The following ZC3H11B variants were observed in gnomAD, a reference collection of about 807,000 sequenced individuals.
ZC3H11B encodes zinc finger CCCH domain-containing protein 11B.
ZC3H11B carries 3 observed loss-of-function variants against 34.0 expected under a neutral mutation model. The observed-to-expected ratio is 0.09, with a 90% CI of 0.04 to 0.23. The LOEUF (loss-of-function observed/expected upper bound fraction) is 0.23, where lower values mean the gene tolerates loss of function less well. ZC3H11B is among the 10% of genes least tolerant of loss of function. ZC3H11B has a pLI of 1.00. For synonymous variants in ZC3H11B, 33 were observed against 250.1 expected (o/e 0.13, Z 8.19); for missense variants, 99 against 660.1 (o/e 0.15, Z 9.31).
Position 219,611,921 on chromosome 1 carries a change from G to GT in ZC3H11B, c.141dup (p.Arg48ThrfsTer11), listed in dbSNP as rs1668006724. 3.6e-6 allele frequency: 3 copies of GT among 832,372 alleles called. No individual in the cohort carries two copies. The highest frequency in any genetic ancestry group is 3.9e-6 in the Non-Finnish European group (2 of 513,252). The allele number at this position is 832,372 out of a possible 1,614,324, so 51.6% of individuals were successfully genotyped here. ...TCCATGTGCCGAAACCTGCACACCC[G>GT]TCGAAAACAGCGCCCTTCTTGCCAT... On this transcript the variant is annotated frameshift_variant, in exon 2 of 2. Coordinates refer to ENST00000651890, the Ensembl canonical transcript of ZC3H11B. LOFTEE classifies it high-confidence loss of function.
At chr1:219,608,012 T>C (rs543188606) in exon 2 of ZC3H11B, among the ~76,000 whole-genome samples, 59 of 151,664 alleles carry the variant, frequency 3.9e-4, no homozygotes, top group African/African-American at 1.4e-3. Context: ...ACACGAAACA[T>C]TGACTAATAC....
exon 2 of ZC3H11B, chr1:219,608,210 G>A (rs1667946398): frequency 1.3e-5 from 2 of 152,482 alleles, no homozygotes; most frequent in Non-Finnish European, 2.9e-5. Context: ...GAGGTGTGTC[G>A]ATACATAAAT....
exon 2 of ZC3H11B, chr1:219,612,368 A>G: frequency 2.9e-6 from 1 of 346,806 alleles, no homozygotes. Flanking sequence ...CACAATTCAA[A>G]CACAGCATGT....
chr1:219,612,253 T>C (rs1668012443), exon 2 of ZC3H11B: 1 of 535,522 alleles, frequency 1.9e-6, no homozygotes. Context: ...TTCACTGAGT[T>C]CCAATCTATT....
chr1:219,609,851 A>C, exon 2 of ZC3H11B: 1 of 1,614,114 alleles, frequency 6.2e-7, no homozygotes, highest in South Asian at 1.1e-5. Flanking sequence ...GGGGGTGAGG[A>C]ATCTGAAGAG....
exon 2 of ZC3H11B, chr1:219,608,302 A>G (rs1572431501): frequency 1.3e-5 from 2 of 152,624 alleles, no homozygotes; most frequent in Admixed American, 1.3e-4. Context: ...TTCCTTTTCC[A>G]TATTCCCAAC....
exon 2 of ZC3H11B, chr1:219,609,958 A>G (rs1392497431): frequency 6.4e-7 from 1 of 1,553,448 alleles, no homozygotes; most frequent in African/African-American, 1.4e-5. Flanking sequence ...AACAGCATCC[A>G]CAGCTGCCTT....
At position 219,611,355 on chromosome 1, in the gene ZC3H11B, AG is replaced by A; in HGVS notation, c.707del (p.Ser236PhefsTer26). The A allele has an allele frequency of 1.4e-6, 1 of 714,680 alleles. No homozygotes were observed. Among genetic ancestry groups the A allele is most frequent in the Non-Finnish European group, 2.4e-6 (1 of 420,420 alleles). The allele number at this position is 714,680 out of a possible 1,614,324, so 44.3% of individuals were successfully genotyped here. On this transcript the variant is annotated frameshift_variant, in exon 2 of 2. Transcript: ENST00000651890. LOFTEE classifies it high-confidence loss of function. ...GGAGTAAAAGACTGGAAACTCCTGA[AG>A]AACCCTCACCTTGCTCCTCAGATTT...
exon 2 of ZC3H11B, among the ~76,000 whole-genome samples, chr1:219,608,162 T>A (rs956629415): frequency 7.2e-5 from 11 of 152,104 alleles, no homozygotes; most frequent in African/African-American, 1.9e-4. Flanking sequence ...GGAGAAGGGC[T>A]ATCATACAAC....
exon 2 of ZC3H11B, among the ~76,000 whole-genome samples, chr1:219,608,062 T>C (rs1325720460): frequency 6.6e-6 from 1 of 152,042 alleles, no homozygotes; most frequent in Non-Finnish European, 1.5e-5. Flanking sequence ...AAAGAATATA[T>C]ACAAAAGGGA....
At chr1:219,612,651 A>G in intron 1 of ZC3H11B, 88 bp from the exon 2 acceptor site, 1 of 187,890 alleles carries the variant, frequency 5.3e-6, no homozygotes, top group Non-Finnish European at 9.4e-6. Flanking sequence ...TTTTCCAGGA[A>G]TTTTTTGGGC....
At chr1:219,609,821 A>C in exon 2 of ZC3H11B, 2 of 1,613,582 alleles carry the variant, frequency 1.2e-6, no homozygotes, top group East Asian at 2.2e-5. Flanking sequence ...ATTTGGGATG[A>C]GGAAGGGCCA....
chr1:219,608,174 T>C (rs989272850), exon 2 of ZC3H11B, among the ~76,000 whole-genome samples: 4 of 152,102 alleles, frequency 2.6e-5, no homozygotes, highest in African/African-American at 9.7e-5. Flanking sequence ...TCATACAACA[T>C]TCAGTCAGCT....
exon 2 of ZC3H11B, chr1:219,608,622 C>T (rs989628314): frequency 6.6e-6 from 1 of 152,040 alleles, no homozygotes; most frequent in African/African-American, 2.4e-5. Context: ...CAATACACCC[C>T]CAGAGCATCT....
In ZC3H11B at chr1:219,611,823, G is replaced by A. The variant is rs1447741789; in HGVS notation, c.240C>T (p.Cys80=). 6 of 1,076,012 alleles carry A rather than the reference G, an allele frequency of 5.6e-6. 1 individual carries two copies. The highest frequency in any genetic ancestry group is 7.2e-5 in the East Asian group (2 of 27,698). 66.7% of individuals were successfully genotyped at this position (1,076,012 alleles called of 1,614,324 possible). Residue 80 remains cysteine, a synonymous_variant, in exon 2 of 2, where the codon TGC becomes TGT. Transcript: ENST00000651890. Reference sequence around the variant, plus strand: ...ATCGTCCTCTATTGTGATGGAAAACGCAGTTTAATTTTTGACATCCTGTTG... The same window carrying A: ...ATCGTCCTCTATTGTGATGGAAAACACAGTTTAATTTTTGACATCCTGTTG...
exon 2 of ZC3H11B, chr1:219,608,367 G>A (rs886472062): frequency 5.9e-5 from 9 of 152,458 alleles, no homozygotes; most frequent in Non-Finnish European, 1.3e-4. Context: ...AGTTCCTTAG[G>A]AGCCAACATG....
exon 2 of ZC3H11B, chr1:219,608,272 T>C (rs541186289): frequency 6.6e-6 from 1 of 152,646 alleles, no homozygotes; most frequent in East Asian, 1.9e-4. Flanking sequence ...CAAGACTGAA[T>C]GGGCAGTCCT....
exon 2 of ZC3H11B, chr1:219,608,232 T>C (rs1667946674): frequency 6.6e-6 from 1 of 152,592 alleles, no homozygotes; most frequent in Non-Finnish European, 1.5e-5. Flanking sequence ...TCGAGTCATT[T>C]TTGCTTGTGC....
At chr1:219,612,120 AG>A (rs1668010223) in exon 2 of ZC3H11B, 1 of 591,006 alleles carries the variant, frequency 1.7e-6, no homozygotes, top group Admixed American at 3.1e-5. Context: ...GCTTCCTCAA[AG>A]CAAGGACCAG....
Sources: gnomAD v4.1 joint callset for allele counts (sites outside exome capture counted in the v4.1 genomes callset) on GRCh38, gnomAD v4.1.1 for gene constraint, MANE v1.5 for transcripts, NCBI Gene and HGNC (gene_info 2026-07-23, HGNC 2026-07-21) for gene names.